FANCA: variants seen among roughly 807,000 people sequenced by gnomAD.
The protein encoded by FANCA is FA complementation group A, also known as Fanconi anemia group A protein.
FANCA carries 236 observed loss-of-function variants against 194.3 expected under a neutral mutation model. The ratio of observed to expected loss-of-function variants is 1.21; its 90% CI spans 1.09 to 1.35. FANCA has a LOEUF of 1.35. Among genes scored for constraint, FANCA ranks in the 40% most tolerant of loss-of-function variants. FANCA has a pLI of 0.00. For missense variants in FANCA, 2,628 were observed against 1,813.9 expected (o/e 1.45, Z -8.15); for synonymous variants, 1,014 against 715.8 (o/e 1.42, Z -6.65).
rs2040370137 is a variant in FANCA at position 89,799,611 on chromosome 16, G to A, written c.820C>T (p.Leu274=). The change falls in exon 9 of 43, where the codon CTG becomes TTG. Residue 274 remains leucine (L), a synonymous_variant. Coordinates refer to ENST00000389301, the MANE Select transcript of FANCA (RefSeq NM_000135.4). ...QVTVDVLQRM[L]IFALDALAAG... is the part of the protein sequence containing the mutation. The stretch of plus-strand genomic sequence containing the variant: ...TGCAGTGCAATTAACTTACAAATCA[G>A]CATTCTCTGCAGTACATCAACCGTG... 6.2e-7 allele frequency: 1 copy of A among 1,613,296 alleles called. No homozygotes were observed. Among genetic ancestry groups the A allele is most frequent in the Non-Finnish European group, 8.5e-7 (1 of 1,179,258 alleles).
chr16:89,784,168 G>C (rs1188201123), intron 15 of FANCA, among the ~76,000 whole-genome samples: 3 of 152,022 alleles, frequency 2.0e-5, no homozygotes, highest in Non-Finnish European at 2.9e-5. Context: ...TTCAAGGCCA[G>C]CCTGGGCAAC....
intron 36 of FANCA, 138 bp downstream of exon 36, chr16:89,744,821 C>A: frequency 1.2e-6 from 1 of 802,716 alleles, no homozygotes; most frequent in South Asian, 1.5e-5. Flanking sequence ...CACGAGAACT[C>A]GGTTCTTTTC....
chr16:89,750,326 C>T (rs1183530005), intron 31 of FANCA, among the ~76,000 whole-genome samples: 1 of 151,540 alleles, frequency 6.6e-6, no homozygotes, highest in Non-Finnish European at 1.5e-5. Flanking sequence ...CTAAAAAATA[C>T]AAAAAAATTA....
intron 26 of FANCA, among the ~76,000 whole-genome samples, chr16:89,768,425 G>T (rs528130766): frequency 6.6e-6 from 1 of 152,260 alleles, no homozygotes; most frequent in African/African-American, 2.4e-5. Context: ...CCTAACTGAA[G>T]TGGGCAGATC....
At chr16:89,742,670 A>AAAAAAAAAAAAAAAAAAAAAAAC (rs2062165444) in intron 37 of FANCA, 130 bp downstream of exon 37, 1 of 832,196 alleles carries the variant, frequency 1.2e-6, no homozygotes, top group Non-Finnish European at 1.7e-6. Context: ...AAAAAAAAAA[A>AAAAAAAAAAAAAAAAAAAAAAAC]AAAAAAGTCT....
In FANCA at chr16:89,752,189, A is replaced by G; in HGVS notation, c.3015T>C (p.Asp1005=). The part of the protein sequence containing the change: ...SRSYDHSENS[D]LVFGGRTGNE... ...TTCCTGTGCGGCCACCAAAGACCAA[A>G]TCAGAATTTTCTGAGTGGTCATAAC... The change falls in exon 31 of 43, where the codon GAT becomes GAC. Residue 1005 remains aspartate, a synonymous_variant. Coordinates refer to ENST00000389301, the MANE Select transcript of FANCA (RefSeq NM_000135.4). 1 of 1,614,136 alleles carries G rather than the reference A, an allele frequency of 6.2e-7. No homozygotes were observed. The highest frequency in any genetic ancestry group is 2.2e-5 in the East Asian group (1 of 44,888).
chr16:89,761,896 A>T (rs1188139803), intron 29 of FANCA, 53 bp downstream of exon 29: 1 of 1,430,966 alleles, frequency 7.0e-7, no homozygotes, highest in Admixed American at 1.7e-5. Flanking sequence ...AAGTGCTGGG[A>T]TTATAGGTGT....
In FANCA at chr16:89,770,256, C is replaced by G; in HGVS notation, c.2226G>C (p.Gln742His). 1 of 1,574,348 alleles carries G rather than the reference C, an allele frequency of 6.4e-7. No homozygotes were observed. Among genetic ancestry groups the G allele is most frequent in the East Asian group, 2.3e-5 (1 of 43,414 alleles). The change falls in exon 25 of 43, where the codon CAG (glutamine) becomes CAC (histidine). Residue 742 changes from glutamine to histidine, a missense_variant. Transcript: ENST00000389301. ...TCACGAAGAGGGCAGCCCAGGGACCCTGCCTGCAGAGACAGCCGTGAAACC... is the reference window on the plus strand; with the variant it reads ...TCACGAAGAGGGCAGCCCAGGGACCGTGCCTGCAGAGACAGCCGTGAAACC... ...AASSVAPPER[Q>H]GPWAALFVRT...
intron 15 of FANCA, among the ~76,000 whole-genome samples, chr16:89,783,710 C>T (rs184963739): frequency 6.6e-4 from 100 of 152,264 alleles, no homozygotes; most frequent in African/African-American, 2.3e-3. Context: ...CGGCCCCGGC[C>T]GCCTGCAGCT....
chr16:89,759,885 T>C (rs1171486174), intron 29 of FANCA, among the ~76,000 whole-genome samples: 1 of 152,160 alleles, frequency 6.6e-6, no homozygotes, highest in Non-Finnish European at 1.5e-5. Flanking sequence ...GAGTGTGTGC[T>C]CTCCTCACAC....
intron 32 of FANCA, among the ~76,000 whole-genome samples, chr16:89,749,362 G>C (rs1332243392): frequency 6.6e-6 from 1 of 152,068 alleles, no homozygotes; most frequent in African/African-American, 2.4e-5. Context: ...ACAGGTGCCC[G>C]CCACCACACC....
At chr16:89,750,032 G>C (rs1030362866) in intron 31 of FANCA, 130 bp from the exon 32 acceptor site, 1 of 912,118 alleles carries the variant, frequency 1.1e-6, no homozygotes, top group Non-Finnish European at 1.8e-6. Flanking sequence ...AGTGGGGCAA[G>C]CTATTTCAAT....
At chr16:89,793,179 T>C (rs913333665) in intron 11 of FANCA, among the ~76,000 whole-genome samples, 4 of 152,104 alleles carry the variant, frequency 2.6e-5, no homozygotes, top group East Asian at 1.9e-4. Flanking sequence ...GGAGAGTCCC[T>C]TTCCCGGTCT....
At position 89,740,262 on chromosome 16, in the gene FANCA, C is replaced by A. The variant is rs1318461004; in HGVS notation, c.3829-163G>T. On this transcript the variant is annotated intron_variant, in intron 38 of 42. Coordinates refer to ENST00000389301, the MANE Select transcript of FANCA (RefSeq NM_000135.4). ...TAGAAGGTAATACTGGGCCTCTGGA[C>A]AGAAGAGGCTCAGGTAGGAGGCCAG... 4 of 687,238 alleles carry A rather than the reference C, an allele frequency of 5.8e-6. No individual in the cohort carries two copies. The Admixed American group carries it at 8.7e-5, about 15-fold the overall frequency. 42.6% of individuals were successfully genotyped at this position (687,238 alleles called of 1,614,324 possible).
chr16:89,743,050 G>A (rs2062174435), intron 36 of FANCA, 112 bp from the exon 37 acceptor site: 2 of 1,266,906 alleles, frequency 1.6e-6, no homozygotes, highest in Non-Finnish European at 1.1e-6. Context: ...TTCCATCAGA[G>A]GACAGAGAAG....
At chr16:89,752,833 GC>G (rs1290289159) in intron 30 of FANCA, among the ~76,000 whole-genome samples, 2 of 152,176 alleles carry the variant, frequency 1.3e-5, no homozygotes, top group Non-Finnish European at 2.9e-5. Context: ...TCCAGCGGTA[GC>G]AAAAGGTGTC....
chr16:89,739,446 CCAGCCCTGACCAGCCCTGTGGGTG>C lies in FANCA; in HGVS notation c.4010+8_4010+31del. On this transcript the variant is annotated splice_region_variant and intron_variant, in intron 40 of 42. Coordinates refer to ENST00000389301, the MANE Select transcript of FANCA (RefSeq NM_000135.4). ...GAGATGGGGGTCTGGGAAACACTGCCCAGCCCTGACCAGCCCTGTGGGTGGAGGTACCTGTAAAAAGCGAAAGGC... is the reference window on the plus strand; with the variant it reads ...GAGATGGGGGTCTGGGAAACACTGCCGAGGTACCTGTAAAAAGCGAAAGGC... 1 of 1,551,398 alleles carries C rather than the reference CCAGCCCTGACCAGCCCTGTGGGTG, an allele frequency of 6.4e-7. No homozygotes were observed.
intron 13 of FANCA, 46 bp downstream of exon 13, chr16:89,791,881 T>C (rs369053988): frequency 6.2e-7 from 1 of 1,612,778 alleles, no homozygotes; most frequent in South Asian, 1.1e-5. Flanking sequence ...GACACCCCCC[T>C]ACACACACTC....
intron 15 of FANCA, among the ~76,000 whole-genome samples, chr16:89,783,551 C>CAA (rs769729527): frequency 7.8e-5 from 10 of 128,186 alleles, no homozygotes; most frequent in East Asian, 6.6e-4. Context: ...ACTTCATTTC[C>CAA]AAAAAAAAAA....
Sources: allele counts gnomAD v4.1 joint callset (sites outside exome capture counted in the v4.1 genomes callset), GRCh38; gene constraint gnomAD v4.1.1; transcripts MANE v1.5; gene names NCBI Gene and HGNC (gene_info 2026-07-23, HGNC 2026-07-21).